CFAP54: variants seen among roughly 807,000 people sequenced by gnomAD.
CFAP54 encodes the protein cilia and flagella associated protein 54, also known as cilia- and flagella-associated protein 54.
CFAP54 carries 290 observed loss-of-function variants against 370.4 expected under a neutral mutation model. That is an observed-to-expected ratio of 0.78 (90% CI 0.71 to 0.86). CFAP54 has a LOEUF of 0.86. CFAP54 is among the 40% of genes least tolerant of loss of function. The pLI is 0.00. For synonymous variants in CFAP54, 1,206 were observed against 1,236.5 expected (o/e 0.98, Z 0.52); for missense variants, 3,399 against 3,528.7 (o/e 0.96, Z 0.93).
At chr12:96,718,615 C>A in intron 49 of CFAP54, 93 bp downstream of exon 49, 1 of 705,496 alleles carries the variant, frequency 1.4e-6, no homozygotes, top group South Asian at 1.8e-5. Flanking sequence ...TATGCTTGCT[C>A]TTGTGAGAGC....
chr12:96,629,847 G>A (rs913240144), intron 30 of CFAP54, among the ~76,000 whole-genome samples: 1 of 152,096 alleles, frequency 6.6e-6, no homozygotes, highest in Non-Finnish European at 1.5e-5. Context: ...TCAATGTTGT[G>A]AAAAGTTTCT....
At chr12:96,609,714 A>G (rs930344790) in intron 26 of CFAP54, among the ~76,000 whole-genome samples, 13 of 152,204 alleles carry the variant, frequency 8.5e-5, no homozygotes, top group Non-Finnish European at 1.8e-4. Context: ...GAATATGTAA[A>G]GTGATTCTAT....
chr12:96,513,660 G>C (rs772671382), intron 5 of CFAP54, among the ~76,000 whole-genome samples: 15 of 152,124 alleles, frequency 9.9e-5, no homozygotes, highest in Non-Finnish European at 1.6e-4. Context: ...AAGATTGCTT[G>C]AGCCTGGGAG....
chr12:96,719,760 C>T (rs1047223645), intron 49 of CFAP54, among the ~76,000 whole-genome samples: 4 of 152,200 alleles, frequency 2.6e-5, no homozygotes, highest in East Asian at 1.9e-4. Context: ...GTCCTTTTCA[C>T]GGTCTATTTA....
In CFAP54 at chr12:96,802,639, T is replaced by C. The variant is rs535803423; in HGVS notation, c.8851-9097T>C. 2.2e-3 allele frequency among the ~76,000 whole-genome samples: 329 copies of C among 148,980 alleles called. 1 individual carries two copies. Among genetic ancestry groups the C allele is most frequent in the Non-Finnish European group, 4.1e-3 (269 of 65,990 alleles). On this transcript the variant is annotated intron_variant, in intron 63 of 67. Coordinates refer to ENST00000524981, the MANE Select transcript of CFAP54 (RefSeq NM_001306084.2). ...CCGACTACTCCCACTACTAACTTCTTTATTATTATTATTATTATACTTTAA... is the reference window on the plus strand; with the variant it reads ...CCGACTACTCCCACTACTAACTTCTCTATTATTATTATTATTATACTTTAA...
chr12:96,685,002 C>A (rs754646705), intron 41 of CFAP54, 27 bp from the exon 42 acceptor site: 1 of 1,606,536 alleles, frequency 6.2e-7, no homozygotes, highest in East Asian at 2.2e-5. Flanking sequence ...AGAAAACTTA[C>A]TGCTTGATGC....
intron 60 of CFAP54, among the ~76,000 whole-genome samples, chr12:96,771,771 A>G (rs1335702610): frequency 2.6e-5 from 4 of 152,214 alleles, no homozygotes; most frequent in Non-Finnish European, 4.4e-5. Context: ...CTGGCCCAGA[A>G]CCAGTGAAAC....
At chr12:96,603,707 A>G (rs1339874325) in intron 26 of CFAP54, among the ~76,000 whole-genome samples, 1 of 151,866 alleles carries the variant, frequency 6.6e-6, no homozygotes, top group African/African-American at 2.4e-5. Flanking sequence ...CATTACTTTG[A>G]CTTTCAATCA....
intron 26 of CFAP54, among the ~76,000 whole-genome samples, chr12:96,609,857 C>G (rs1010464749): frequency 6.6e-6 from 1 of 152,058 alleles, no homozygotes; most frequent in South Asian, 2.1e-4. Flanking sequence ...ATAAAAGAAC[C>G]ATGGGATCTT....
chr12:96,741,475 A>C (rs908972432), intron 51 of CFAP54, among the ~76,000 whole-genome samples: 1 of 151,988 alleles, frequency 6.6e-6, no homozygotes, highest in African/African-American at 2.4e-5. Flanking sequence ...TTGACTGCTT[A>C]CCCTTGTTTC....
In CFAP54 at chr12:96,580,936, A is replaced by T; in HGVS notation, c.2906A>T (p.Lys969Ile). ...TCTTAATAGATACCAGCTGACGGTA[A>T]AAGTGTTTTTGAAGTGAAAGGTTTA... is the stretch of plus-strand genomic sequence containing the variant. Reference protein sequence around the residue: ...NSGEAIPADGKSVFEVKGLET... With the variant: ...NSGEAIPADGISVFEVKGLET... The change falls in exon 22 of 68, where the codon AAA becomes ATA. Residue 969 changes from lysine (K) to isoleucine (I), a missense_variant. Lys to Ile is a moderately radical substitution (Grantham distance 102, BLOSUM62 -3). Around this residue, in one of 3 missense-constraint regions of CFAP54, gnomAD observed 2,796 missense variants for 2,869.7 expected, o/e 0.97. Coordinates refer to ENST00000524981, the MANE Select transcript of CFAP54 (RefSeq NM_001306084.2). 6.6e-7 allele frequency: 1 copy of T among 1,512,552 alleles called. No homozygotes were observed. The highest frequency in any genetic ancestry group is 1.3e-5 in the South Asian group (1 of 79,488). The allele number at this position is 1,512,552 out of a possible 1,614,324, so 93.7% of individuals were successfully genotyped here.
At chr12:96,606,797 C>G (rs1565911855) in intron 26 of CFAP54, among the ~76,000 whole-genome samples, 1 of 152,202 alleles carries the variant, frequency 6.6e-6, no homozygotes, top group African/African-American at 2.4e-5. Context: ...GCAGAGAGGT[C>G]AGCTTGTTTG....
At chr12:96,575,107 A>T (rs183976656) in intron 19 of CFAP54, among the ~76,000 whole-genome samples, 1 of 152,182 alleles carries the variant, frequency 6.6e-6, no homozygotes, top group Admixed American at 6.5e-5. Flanking sequence ...TTGTATTTTC[A>T]TCCCTAATGA....
rs1300199383 is a variant in CFAP54, at chr12:96,625,743, A to G, written c.3912A>G (p.Gly1304=). ...ATGTTACATCTGAACTCTCAGGAGGAGAGGACCCTATATTTCTTTATCCTG... is the reference window on the plus strand; with the variant it reads ...ATGTTACATCTGAACTCTCAGGAGGGGAGGACCCTATATTTCTTTATCCTG... The part of the protein sequence containing the change: ...KQYVTSELSG[G]EDPIFLYPVV... Residue 1304 remains glycine (G), a synonymous_variant, in exon 29 of 68, where the codon GGA becomes GGG. Transcript: ENST00000524981. 5.9e-6 allele frequency: 9 copies of G among 1,535,594 alleles called. No individual in the cohort carries two copies. Among genetic ancestry groups the G allele is most frequent in the Non-Finnish European group, 7.8e-6 (9 of 1,146,636 alleles).
intron 64 of CFAP54, among the ~76,000 whole-genome samples, chr12:96,813,923 T>C (rs200089791): frequency 6.6e-6 from 1 of 152,200 alleles, no homozygotes; most frequent in East Asian, 1.9e-4. Flanking sequence ...GGCAAATGCA[T>C]GCCAGAGCAC....
chr12:96,494,631 A>G (rs979551814), intron 1 of CFAP54, among the ~76,000 whole-genome samples: 7 of 152,062 alleles, frequency 4.6e-5, no homozygotes, highest in African/African-American at 1.2e-4. Context: ...TATTCTGATG[A>G]TCATATCCAA....
At chr12:96,731,098 G>A (rs1293514323) in intron 50 of CFAP54, among the ~76,000 whole-genome samples, 1 of 152,148 alleles carries the variant, frequency 6.6e-6, no homozygotes, top group Non-Finnish European at 1.5e-5. Flanking sequence ...CACTGATGCT[G>A]CAGAAGCAAC....
intron 58 of CFAP54, 28 bp from the exon 59 acceptor site, chr12:96,764,123 T>C (rs370448055): frequency 1.5e-5 from 23 of 1,488,832 alleles, no homozygotes; most frequent in Non-Finnish European, 2.1e-5. Context: ...CAAAACTTTA[T>C]ATCATAACAC....
rs1331622630 is a variant in CFAP54, at chr12:96,860,942, T to C, written c.*4T>C. ...GATAGTGTCAATTATTCCCTGAATA[T>C]CCTATACACGGTAACCTTATACAGG... On this transcript the variant is annotated 3_prime_UTR_variant, in exon 67 of 68. Transcript: ENST00000524981. 4.6e-6 allele frequency: 7 copies of C among 1,530,178 alleles called. No individual in the cohort carries two copies. Among genetic ancestry groups the C allele is most frequent in the Non-Finnish European group, 6.1e-6 (7 of 1,144,702 alleles). 94.8% of individuals were successfully genotyped at this position (1,530,178 alleles called of 1,614,324 possible).
Sources: allele counts gnomAD v4.1 joint callset (sites outside exome capture counted in the v4.1 genomes callset), GRCh38; gene constraint gnomAD v4.1.1; regional missense constraint gnomAD v4.1.1; transcripts MANE v1.5; gene names NCBI Gene and HGNC (gene_info 2026-07-23, HGNC 2026-07-21).